The following CYFIP1 variants were observed in gnomAD, a reference collection of about 807,000 sequenced individuals.
CYFIP1 encodes the protein cytoplasmic FMR1-interacting protein 1.
Under a neutral mutation model 163.5 loss-of-function variants are expected in CYFIP1, and 58 were observed. That is an observed-to-expected ratio of 0.35 (90% CI 0.29 to 0.44). CYFIP1 has a LOEUF of 0.44. Ranked by LOEUF, CYFIP1 falls within the 20% of genes least tolerant of loss-of-function variation. The pLI is 1.00. For missense variants in CYFIP1, 1,338 were observed against 1,653.8 expected (o/e 0.81, Z 3.31); for synonymous variants, 663 against 660.7 (o/e 1.00, Z -0.05).
chr15:22,948,126 A>G, intron 1 of CYFIP1: 2 of 308,260 alleles, frequency 6.5e-6, no homozygotes, highest in Non-Finnish European at 9.4e-6. Flanking sequence ...GGAGGTGCAC[A>G]GTGGAACGGG....
intron 23 of CYFIP1, among the ~76,000 whole-genome samples, chr15:22,888,607 C>CT (rs1212530582): frequency 1.3e-5 from 2 of 151,978 alleles, no homozygotes; most frequent in African/African-American, 4.8e-5. Flanking sequence ...TGGTGCATGC[C>CT]TGTAGTCCCA....
intron 1 of CYFIP1, among the ~76,000 whole-genome samples, chr15:22,958,457 C>T (rs898080365): frequency 2.0e-5 from 3 of 152,212 alleles, no homozygotes. Context: ...ACAGCCTCAT[C>T]AACAGAGAAA....
At chr15:22,905,065 G>A (rs1395225113) in intron 21 of CYFIP1, 1 of 152,136 alleles carries the variant, frequency 6.6e-6, no homozygotes, top group Non-Finnish European at 1.5e-5. Flanking sequence ...AAGGTCTGAG[G>A]ACAATCGGAT....
chr15:22,934,204 T>TTG (rs2061634252), intron 9 of CYFIP1, among the ~76,000 whole-genome samples: 2 of 140,374 alleles, frequency 1.4e-5, no homozygotes, highest in African/African-American at 5.4e-5. Context: ...TTTTTTTTTT[T>TTG]GAGACAGAGT....
At chr15:22,870,697 G>C (rs931972944) in intron 30 of CYFIP1, among the ~76,000 whole-genome samples, 1 of 152,126 alleles carries the variant, frequency 6.6e-6, no homozygotes, top group Admixed American at 6.5e-5. Flanking sequence ...TGCTGCTGTA[G>C]ATTCATTCAT....
rs1383818941 is a variant in CYFIP1, at chr15:22,867,314, ATGAT to A, written c.*2710_*2713del. On this transcript the variant is annotated 3_prime_UTR_variant, in exon 31 of 31. Transcript: ENST00000617928. Reference sequence around the variant, plus strand: ...AAAAGTGGCTCCTGTTTGTTTGATGATGATTGGTTTTATTTTTGAAATATTTATT... The same window carrying A: ...AAAAGTGGCTCCTGTTTGTTTGATGATGGTTTTATTTTTGAAATATTTATT... 2 of 397,982 alleles carry A rather than the reference ATGAT, an allele frequency of 5.0e-6. No homozygotes were observed. Among genetic ancestry groups the A allele is most frequent in the East Asian group, 3.6e-5 (1 of 27,972 alleles). 24.7% of individuals were successfully genotyped at this position (397,982 alleles called of 1,614,324 possible). A position where few individuals can be genotyped will look rare whatever the true frequency, so the allele number is the denominator to read the frequency against.
At chr15:22,905,792 C>T (rs951932828) in intron 21 of CYFIP1, among the ~76,000 whole-genome samples, 6 of 151,238 alleles carry the variant, frequency 4.0e-5, no homozygotes, top group Non-Finnish European at 5.9e-5. Context: ...CGGAGTCTCG[C>T]TCTGTCACCC....
chr15:22,954,132 T>C (rs944747701), intron 1 of CYFIP1, among the ~76,000 whole-genome samples: 1 of 152,096 alleles, frequency 6.6e-6, no homozygotes, highest in Non-Finnish European at 1.5e-5. Flanking sequence ...GACAGGTACA[T>C]TGATGTCCAC....
intron 1 of CYFIP1, among the ~76,000 whole-genome samples, chr15:22,954,424 C>T (rs559711358): frequency 1.1e-4 from 17 of 152,226 alleles, no homozygotes; most frequent in Non-Finnish European, 2.2e-4. Flanking sequence ...TAAGAACCCA[C>T]ACGAGCTGGT....
chr15:22,963,521 T>TAACATAACATAACATAACATAACATAACA (rs2062770892), intron 1 of CYFIP1, among the ~76,000 whole-genome samples: 1 of 145,126 alleles, frequency 6.9e-6, no homozygotes, highest in African/African-American at 2.5e-5. Flanking sequence ...TAACATAACA[T>TAACATAACATAACATAACATAACATAACA]AACATAACAT....
intron 11 of CYFIP1, among the ~76,000 whole-genome samples, chr15:22,931,527 C>T (rs993015099): frequency 6.6e-6 from 1 of 151,858 alleles, no homozygotes; most frequent in Non-Finnish European, 1.5e-5. Context: ...CTTACAGGGG[C>T]CCCAGGTCAG....
Position 22,867,280 on chromosome 15 carries a change from C to T in CYFIP1, c.*2748G>A. 1 of 398,620 alleles carries T rather than the reference C, an allele frequency of 2.5e-6. No individual in the cohort carries two copies. Among genetic ancestry groups the T allele is most frequent in the Non-Finnish European group, 4.4e-6 (1 of 226,244 alleles). The allele number at this position is 398,620 out of a possible 1,614,324, so 24.7% of individuals were successfully genotyped here. A position where few individuals can be genotyped will look rare whatever the true frequency, so the allele number is the denominator to read the frequency against. On this transcript the variant is annotated 3_prime_UTR_variant, in exon 31 of 31. Coordinates refer to ENST00000617928, the MANE Select transcript of CYFIP1 (RefSeq NM_014608.6). Reference sequence around the variant, plus strand: ...CCCAATACATTATCCTGTGATTTACCTTACCTACAAAAGTGGCTCCTGTTT... The same window carrying T: ...CCCAATACATTATCCTGTGATTTACTTTACCTACAAAAGTGGCTCCTGTTT...
chr15:22,928,084 C>CA, intron 11 of CYFIP1, 56 bp from the exon 12 acceptor site: 6 of 1,436,386 alleles, frequency 4.2e-6, no homozygotes, highest in Non-Finnish European at 5.5e-6. Context: ...CAGCTCCCCC[C>CA]ATCCCGGGAT....
chr15:22,976,716 T>C (rs2063295136), intron 1 of CYFIP1, among the ~76,000 whole-genome samples: 1 of 152,188 alleles, frequency 6.6e-6, no homozygotes, highest in African/African-American at 2.4e-5. Context: ...AGCTTTATCA[T>C]AGGCATAGAT....
intron 1 of CYFIP1, among the ~76,000 whole-genome samples, chr15:22,952,134 AAAAG>A (rs2140143224): frequency 6.6e-6 from 1 of 152,336 alleles, no homozygotes; most frequent in African/African-American, 2.4e-5. Context: ...CGCCAGTCAC[AAAAG>A]AAAAAACGCC....
At chr15:22,916,928 CG>C in intron 15 of CYFIP1, 1 of 1,551,754 alleles carries the variant, frequency 6.4e-7, no homozygotes, top group South Asian at 1.2e-5. Flanking sequence ...GCCTCAGAAA[CG>C]TGTTAACCGC....
chr15:22,938,660 T>G (rs1003889473), intron 8 of CYFIP1, among the ~76,000 whole-genome samples: 1 of 151,440 alleles, frequency 6.6e-6, no homozygotes, highest in Non-Finnish European at 1.5e-5. Flanking sequence ...CACAGAGCTT[T>G]GGGAGGCTGA....
Position 22,879,910 on chromosome 15 carries a change from C to A in CYFIP1, c.3042+3G>T. On this transcript the variant is annotated splice_donor_region_variant and intron_variant, in intron 26 of 30. Transcript: ENST00000617928. ...GGAGGGGCGGCGTTGGGGGGCCACT[C>A]ACCAGGCTCTGCTCGATGAGCAGGC... The A allele has an allele frequency of 6.2e-7, 1 of 1,610,468 alleles. No homozygotes were observed. Among genetic ancestry groups the A allele is most frequent in the South Asian group, 1.1e-5 (1 of 91,000 alleles).
intron 1 of CYFIP1, among the ~76,000 whole-genome samples, chr15:22,975,556 G>A (rs1261242259): frequency 6.6e-6 from 1 of 151,868 alleles, no homozygotes; most frequent in Admixed American, 6.6e-5. Flanking sequence ...AGGTCAGGAG[G>A]TCGAGATCAG....
Sources: allele counts gnomAD v4.1 joint callset (sites outside exome capture counted in the v4.1 genomes callset), GRCh38; gene constraint gnomAD v4.1.1; transcripts MANE v1.5; gene names NCBI Gene and HGNC (gene_info 2026-07-23, HGNC 2026-07-21).